The following MACC1 variants were observed in gnomAD, a reference collection of about 807,000 sequenced individuals.
MACC1 encodes the protein MET transcriptional regulator MACC1.
In MACC1, 79 loss-of-function variants were observed where a neutral mutation model predicts 70.7. The observed-to-expected ratio is 1.12, with a 90% CI of 0.93 to 1.35. The LOEUF is 1.35. MACC1 is among the 40% of genes most tolerant of loss of function. The pLI, the probability that MACC1 is intolerant of heterozygous loss-of-function variation, is 0.00. For synonymous variants in MACC1, 361 were observed against 347.2 expected (o/e 1.04, Z -0.44); for missense variants, 1,106 against 978.1 (o/e 1.13, Z -1.74).
chr7:20,195,381 G>A (rs934971827), intron 1 of MACC1, among the ~76,000 whole-genome samples: 2 of 152,170 alleles, frequency 1.3e-5, no homozygotes, highest in Non-Finnish European at 2.9e-5. Flanking sequence ...CATAGCATCC[G>A]ACAAAGACCA....
intron 1 of MACC1, among the ~76,000 whole-genome samples, chr7:20,188,597 A>C (rs899298166): frequency 6.6e-6 from 1 of 152,122 alleles, no homozygotes; most frequent in African/African-American, 2.4e-5. Flanking sequence ...TTACAGCAAA[A>C]ACAGGCACAC....
intron 1 of MACC1, among the ~76,000 whole-genome samples, chr7:20,212,900 T>C (rs1423384337): frequency 6.6e-6 from 1 of 152,052 alleles, no homozygotes; most frequent in African/African-American, 2.4e-5. Context: ...GGAAGAATAC[T>C]AGCGGGAGTG....
chr7:20,149,963 C>T (rs946912849), intron 6 of MACC1, among the ~76,000 whole-genome samples: 29 of 152,122 alleles, frequency 1.9e-4, no homozygotes, highest in African/African-American at 6.8e-4. Context: ...ATAAATTACA[C>T]AAATACATTC....
chr7:20,151,727 G>T (rs1264458098), intron 6 of MACC1, among the ~76,000 whole-genome samples: 2 of 152,288 alleles, frequency 1.3e-5, no homozygotes, highest in East Asian at 3.9e-4. Context: ...ACCAGCTTGA[G>T]GCTTGGTAAA....
In MACC1 at chr7:20,161,648, T is replaced by C. The variant is rs1782140222; in HGVS notation, c.115+100A>G. The C allele has an allele frequency of 1.8e-5, 13 of 711,662 alleles. No homozygotes were observed. The East Asian group carries it at 2.1e-4, about 11-fold the overall frequency. The allele number at this position is 711,662 out of a possible 1,614,324, so 44.1% of individuals were successfully genotyped here. ...ATAAAAACAAGATTTTATAATTCTT[T>C]TCATCTTCCAGCATTTTCAGAGGTA... is the stretch of plus-strand genomic sequence containing the variant. On this transcript the variant is annotated intron_variant, in intron 4 of 6. Coordinates refer to ENST00000400331, the MANE Select transcript of MACC1 (RefSeq NM_182762.4).
chr7:20,171,473 C>A (rs1355815514), intron 1 of MACC1, among the ~76,000 whole-genome samples: 1 of 151,690 alleles, frequency 6.6e-6, no homozygotes, highest in East Asian at 1.9e-4. Context: ...CCAGGATGGT[C>A]TCGATCTCCT....
intron 6 of MACC1, chr7:20,142,130 C>G (rs1052048459): frequency 6.6e-6 from 1 of 152,088 alleles, no homozygotes; most frequent in African/African-American, 2.4e-5. Context: ...ACATAGACTC[C>G]GAGCTAAATA....
chr7:20,168,113 C>T lies in MACC1; in HGVS notation c.-153+2601G>A, dbSNP rs1782248949. On this transcript the variant is annotated intron_variant, in intron 2 of 6. Coordinates refer to ENST00000400331, the MANE Select transcript of MACC1 (RefSeq NM_182762.4). ...TATTTGTCTTTTTTATTTGAATTCCCTACAGTATGTTCATTTTACACGTGT... is the reference window on the plus strand; with the variant it reads ...TATTTGTCTTTTTTATTTGAATTCCTTACAGTATGTTCATTTTACACGTGT... 2.0e-5 allele frequency among the ~76,000 whole-genome samples: 3 copies of T among 152,094 alleles called. No individual in the cohort carries two copies. The South Asian group carries it at 6.2e-4, about 32-fold the overall frequency.
At chr7:20,202,894 C>T (rs1208715020) in intron 1 of MACC1, among the ~76,000 whole-genome samples, 2 of 152,154 alleles carry the variant, frequency 1.3e-5, no homozygotes, top group Admixed American at 6.5e-5. Context: ...TAACTTTGTT[C>T]TGGAAATCCA....
chr7:20,209,611 C>T (rs1253969151), intron 1 of MACC1, among the ~76,000 whole-genome samples: 2 of 152,140 alleles, frequency 1.3e-5, no homozygotes, highest in African/African-American at 4.8e-5. Context: ...AGGGAGAAGG[C>T]ACTTGCCTTG....
chr7:20,143,387 C>G (rs1490778417), intron 6 of MACC1, among the ~76,000 whole-genome samples: 3 of 152,064 alleles, frequency 2.0e-5, no homozygotes, highest in African/African-American at 4.8e-5. Context: ...GTTGTTGTTG[C>G]TTTGCTTTGT....
chr7:20,177,142 A>G (rs1469835280), intron 1 of MACC1, among the ~76,000 whole-genome samples: 1 of 152,156 alleles, frequency 6.6e-6, no homozygotes, highest in Non-Finnish European at 1.5e-5. Context: ...TGGAAGGTAT[A>G]TAGGATTTTG....
rs552414109 is a variant in MACC1 at position 20,164,764 on chromosome 7, C to G, written c.-152-365G>C. 4.6e-5 allele frequency among the ~76,000 whole-genome samples: 7 copies of G among 152,294 alleles called. No individual in the cohort carries two copies. The South Asian group carries it at 1.4e-3, about 32-fold the overall frequency. ...TAGTCAAAACTTTGAGGTAGAAAAG[C>G]TGAGCTCAAGTTCCTCAGCAAAATG... On this transcript the variant is annotated intron_variant, in intron 2 of 6. Coordinates refer to ENST00000400331, the MANE Select transcript of MACC1 (RefSeq NM_182762.4).
intron 5 of MACC1, among the ~76,000 whole-genome samples, chr7:20,157,273 T>G (rs1294456060): frequency 1.3e-5 from 2 of 152,238 alleles, no homozygotes; most frequent in African/African-American, 4.8e-5. Context: ...TTTTTTTATT[T>G]TTATAAAATA....
chr7:20,215,325 C>A (rs1316636887), intron 1 of MACC1, among the ~76,000 whole-genome samples: 1 of 152,074 alleles, frequency 6.6e-6, no homozygotes, highest in Non-Finnish European at 1.5e-5. Flanking sequence ...TTTCTTCTAG[C>A]CTCTAAACCC....
At position 20,137,001 on chromosome 7, in the gene MACC1, G is replaced by T. The variant is rs953811735; in HGVS notation, c.*3945C>A. 4.7e-5 allele frequency: 7 copies of T among 149,620 alleles called. No individual in the cohort carries two copies. The highest frequency in any genetic ancestry group is 1.5e-4 in the African/African-American group (6 of 40,966). 9.3% of individuals were successfully genotyped at this position (149,620 alleles called of 1,614,324 possible). Reference sequence around the variant, plus strand: ...ATTATAATTAATTCTTAAAGATTAAGATTATTATTGTGAATAAGAAGAAAA... The same window carrying T: ...ATTATAATTAATTCTTAAAGATTAATATTATTATTGTGAATAAGAAGAAAA... On this transcript the variant is annotated 3_prime_UTR_variant, in exon 7 of 7. Transcript: ENST00000400331.
intron 1 of MACC1, among the ~76,000 whole-genome samples, chr7:20,190,358 C>A (rs899198853): frequency 6.6e-6 from 1 of 152,082 alleles, no homozygotes; most frequent in African/African-American, 2.4e-5. Flanking sequence ...TTTTTCAAGA[C>A]ATTTGATCCT....
At chr7:20,160,276 A>T in intron 4 of MACC1, 31 bp from the exon 5 acceptor site, 2 of 1,515,496 alleles carry the variant, frequency 1.3e-6, no homozygotes, top group Non-Finnish European at 1.8e-6. Flanking sequence ...AAAGCAAAAC[A>T]AAGATAAGGT....
At chr7:20,141,632 A>ACAAG (rs1781804096) in intron 6 of MACC1, among the ~76,000 whole-genome samples, 1 of 152,322 alleles carries the variant, frequency 6.6e-6, no homozygotes, top group South Asian at 2.1e-4. Flanking sequence ...AAGTCTATAA[A>ACAAG]CAAGCAAAAA....
Sources: gnomAD v4.1 joint callset for allele counts (sites outside exome capture counted in the v4.1 genomes callset) on GRCh38, gnomAD v4.1.1 for gene constraint, MANE v1.5 for transcripts, NCBI Gene and HGNC (gene_info 2026-07-23, HGNC 2026-07-21) for gene names.